The following CCDC148 variants were observed in gnomAD, a reference collection of about 807,000 sequenced individuals.
The protein encoded by CCDC148 is coiled-coil domain containing 148.
Under a neutral mutation model 85.7 loss-of-function variants are expected in CCDC148, and 89 were observed. The observed-to-expected ratio is 1.04, with a 90% CI of 0.87 to 1.24. The LOEUF (loss-of-function observed/expected upper bound fraction) is 1.24. Ranked by LOEUF, CCDC148 falls within the 50% of genes most tolerant of loss-of-function variation. The pLI, the probability that CCDC148 is intolerant of heterozygous loss-of-function variation, is 0.00. For synonymous variants in CCDC148, 230 were observed against 213.9 expected, an observed-to-expected ratio of 1.08 and a Z score of -0.66; for missense variants, 692 against 671.7, an observed-to-expected ratio of 1.03 and a Z score of -0.33.
At chr2:158,406,332 T>G (rs1055394867) in intron 1 of CCDC148, among the ~76,000 whole-genome samples, 1 of 152,068 alleles carries the variant, frequency 6.6e-6, no homozygotes, top group Non-Finnish European at 1.5e-5. Flanking sequence ...GGGATGGCAA[T>G]GGAGAGAAAT....
intron 9 of CCDC148, among the ~76,000 whole-genome samples, chr2:158,308,843 A>G (rs1390523308): frequency 6.6e-6 from 1 of 152,138 alleles, no homozygotes; most frequent in African/African-American, 2.4e-5. Context: ...CCCTCTGAGC[A>G]TTGCTCCAGT....
rs749937217 is a variant in CCDC148, at chr2:158,313,789, T to C, written c.870A>G (p.Gln290=). 8 of 1,613,830 alleles carry C rather than the reference T, an allele frequency of 5.0e-6. No homozygotes were observed. In the East Asian group the frequency reaches 1.3e-4, roughly 27 times the overall value. ...GRRTLYLDML[Q]RYFPHKSRHD... is the part of the protein sequence containing the mutation. Reference sequence around the variant, plus strand: ...GCCTAGATTTGTGAGGAAAATATCTTTGTAACATGTCCAGATACAGAGTCC... The same window carrying C: ...GCCTAGATTTGTGAGGAAAATATCTCTGTAACATGTCCAGATACAGAGTCC... Residue 290 remains glutamine, a synonymous_variant, in exon 8 of 14, where the codon CAA becomes CAG. Transcript: ENST00000283233.
At chr2:158,325,780 C>A (rs964490689) in intron 7 of CCDC148, among the ~76,000 whole-genome samples, 1 of 152,154 alleles carries the variant, frequency 6.6e-6, no homozygotes, top group African/African-American at 2.4e-5. Context: ...CCCCAAAAAG[C>A]AACTATTTGG....
intron 3 of CCDC148, among the ~76,000 whole-genome samples, chr2:158,341,907 ATT>A (rs982605555): frequency 3.4e-5 from 4 of 117,540 alleles, no homozygotes; most frequent in South Asian, 2.7e-4. Flanking sequence ...ATGTTGTGGG[ATT>A]TTTTTTTTTT....
intron 9 of CCDC148, among the ~76,000 whole-genome samples, chr2:158,308,647 C>T (rs1041448751): frequency 1.3e-5 from 2 of 152,286 alleles, no homozygotes; most frequent in East Asian, 3.9e-4. Context: ...AAGATTTGTG[C>T]ACTTCAAGTA....
At position 158,330,556 on chromosome 2, in the gene CCDC148, T is replaced by C. The variant is rs190590278; in HGVS notation, c.764+8170A>G. 2.6e-3 allele frequency among the ~76,000 whole-genome samples: 389 copies of C among 152,324 alleles called. 1 individual carries two copies. The highest frequency in any genetic ancestry group is 8.7e-3 in the African/African-American group (362 of 41,572). On this transcript the variant is annotated intron_variant, in intron 7 of 13. Coordinates refer to ENST00000283233, the MANE Select transcript of CCDC148 (RefSeq NM_138803.4). ...TTAGGGAGGATTCCCTCTTTTTCTA[T>C]TGATTGGAATAGGTTCAGAAGGAAT...
At chr2:158,233,145 A>G (rs1687933814) in intron 10 of CCDC148, among the ~76,000 whole-genome samples, 1 of 152,250 alleles carries the variant, frequency 6.6e-6, no homozygotes, top group South Asian at 2.1e-4. Context: ...TTGTACAATC[A>G]CTATGTATCA....
At chr2:158,441,309 A>G (rs1454442066) in intron 1 of CCDC148, among the ~76,000 whole-genome samples, 1 of 152,190 alleles carries the variant, frequency 6.6e-6, no homozygotes, top group African/African-American at 2.4e-5. Flanking sequence ...CCAATTTACC[A>G]AAATGAACTA....
At chr2:158,271,177 T>G (rs1689682754) in intron 9 of CCDC148, among the ~76,000 whole-genome samples, 1 of 152,044 alleles carries the variant, frequency 6.6e-6, no homozygotes, top group Admixed American at 6.6e-5. Context: ...TTTGGGGGGG[T>G]TAATAAGCTA....
chr2:158,439,676 T>A (rs1271994553), intron 1 of CCDC148, among the ~76,000 whole-genome samples: 2 of 152,116 alleles, frequency 1.3e-5, no homozygotes, highest in African/African-American at 4.8e-5. Context: ...CATGTATATA[T>A]GCTGGCAACA....
intron 9 of CCDC148, among the ~76,000 whole-genome samples, chr2:158,301,752 G>C (rs755109789): frequency 2.0e-5 from 3 of 152,246 alleles, no homozygotes; most frequent in Non-Finnish European, 4.4e-5. Flanking sequence ...CAACAGGGAA[G>C]TGAAGGGGAG....
intron 11 of CCDC148, among the ~76,000 whole-genome samples, chr2:158,203,301 A>C (rs1686064522): frequency 6.6e-6 from 1 of 152,242 alleles, no homozygotes; most frequent in African/African-American, 2.4e-5. Flanking sequence ...ATTTAAATAA[A>C]TGTATATTAG....
At chr2:158,438,527 A>G (rs996446287) in intron 1 of CCDC148, among the ~76,000 whole-genome samples, 5 of 152,354 alleles carry the variant, frequency 3.3e-5, no homozygotes, top group African/African-American at 1.2e-4. Context: ...AAACCCTAGA[A>G]GAAAACCTAG....
intron 1 of CCDC148, among the ~76,000 whole-genome samples, chr2:158,371,053 C>T (rs1684417246): frequency 6.6e-6 from 1 of 151,842 alleles, no homozygotes; most frequent in African/African-American, 2.4e-5. Context: ...AGAAGAAAAA[C>T]ACAGTTTTAA....
chr2:158,410,434 CT>C (rs1190700241), intron 1 of CCDC148, among the ~76,000 whole-genome samples: 13 of 151,986 alleles, frequency 8.6e-5, no homozygotes. Flanking sequence ...CTCTACCTTC[CT>C]TGCTTTCTTG....
chr2:158,200,748 T>G (rs1023395972), intron 11 of CCDC148, among the ~76,000 whole-genome samples: 1 of 152,152 alleles, frequency 6.6e-6, no homozygotes, highest in Non-Finnish European at 1.5e-5. Flanking sequence ...GCTCTCTCCA[T>G]TGTAAAGGCA....
chr2:158,323,919 CTTTTTTTTTTTTT>C (rs777356867), intron 7 of CCDC148, among the ~76,000 whole-genome samples: 5 of 82,946 alleles, frequency 6.0e-5, no homozygotes, highest in African/African-American at 1.3e-4. Context: ...CTGGGAATAA[CTTTTTTTTTTTTT>C]TTTTTTTTTT....
In CCDC148 at chr2:158,388,319, AC is replaced by A. The variant is rs1256240926; in HGVS notation, c.26-29750del. Among the ~76,000 whole-genome samples the A allele has an allele frequency of 5.9e-5, 9 of 152,260 alleles. No homozygotes were observed. The South Asian group carries it at 1.9e-3, about 32-fold the overall frequency. The stretch of plus-strand genomic sequence containing the variant: ...TTTTAAGTGCTCATAATTATGGGTA[AC>A]CAATGACAAGGGCAGGGAACAGTAC... On this transcript the variant is annotated intron_variant, in intron 1 of 13. Transcript: ENST00000283233.
rs190178848 is a variant in CCDC148 at position 158,196,447 on chromosome 2, C to A, written c.1371-17451G>T. On this transcript the variant is annotated intron_variant, in intron 11 of 13. Transcript: ENST00000283233. ...TTTAACCAACCCTCTTCTCCTCCCC[C>A]CAGCCAGTTGTTAAATATGTCCAGT... is the stretch of plus-strand genomic sequence containing the variant. Among the ~76,000 whole-genome samples, 52 of 152,224 alleles carry A rather than the reference C, an allele frequency of 3.4e-4. 1 individual carries two copies. The highest frequency in any genetic ancestry group is 1.6e-3 in the Admixed American group (25 of 15,274).
Sources: gnomAD v4.1 joint callset for allele counts (sites outside exome capture counted in the v4.1 genomes callset) on GRCh38, gnomAD v4.1.1 for gene constraint, MANE v1.5 for transcripts, NCBI Gene and HGNC (gene_info 2026-07-23, HGNC 2026-07-21) for gene names.